Variants in STMP1 observed in about 807,000 individuals in gnomAD.
The protein encoded by STMP1 is mitolamban.
In STMP1, 7 loss-of-function variants were observed where a neutral mutation model predicts 7.0. That is an observed-to-expected ratio of 1.01 (90% CI 0.57 to 1.89). The LOEUF is 1.89. STMP1 is among the 40% of genes most tolerant of loss of function. The pLI is 0.00. For missense variants in STMP1, 45 were observed against 53.0 expected (o/e 0.85, Z 0.47); for synonymous variants, 19 against 18.4 (o/e 1.03, Z -0.08).
intron 1 of STMP1, among the ~76,000 whole-genome samples, chr7:135,672,120 C>T (rs1795362022): frequency 6.6e-6 from 1 of 152,158 alleles, no homozygotes; most frequent in African/African-American, 2.4e-5. Context: ...GCTGGGATTA[C>T]AGATGTGAGC....
At chr7:135,666,381 C>T (rs1372708210) in intron 1 of STMP1, among the ~76,000 whole-genome samples, 1 of 152,168 alleles carries the variant, frequency 6.6e-6, no homozygotes, top group East Asian at 1.9e-4. Flanking sequence ...CAGCGTCTCA[C>T]TCTGTCACCC....
chr7:135,664,955 C>T (rs1308151150), intron 1 of STMP1, among the ~76,000 whole-genome samples: 2 of 152,136 alleles, frequency 1.3e-5, no homozygotes, highest in Non-Finnish European at 2.9e-5. Flanking sequence ...GCTGTGGTAG[C>T]GTGGGTGGGC....
At chr7:135,664,746 T>G (rs1795275073) in intron 1 of STMP1, among the ~76,000 whole-genome samples, 1 of 152,200 alleles carries the variant, frequency 6.6e-6, no homozygotes, top group Non-Finnish European at 1.5e-5. Context: ...GCTTTTTTTT[T>G]TAAATAAGTG....
intron 1 of STMP1, among the ~76,000 whole-genome samples, chr7:135,671,187 C>T (rs1393073090): frequency 1.3e-5 from 2 of 152,234 alleles, no homozygotes; most frequent in East Asian, 1.9e-4. Flanking sequence ...ATGATCAGAA[C>T]GGTCTATGAT....
At position 135,675,883 on chromosome 7, in the gene STMP1, G is replaced by A. The variant is rs1284852075; in HGVS notation, c.*1718G>A. The A allele has an allele frequency of 1.3e-5, 2 of 150,824 alleles. No homozygotes were observed. Among genetic ancestry groups the A allele is most frequent in the African/African-American group, 2.4e-5 (1 of 41,020 alleles). 9.3% of individuals were successfully genotyped at this position (150,824 alleles called of 1,614,324 possible). On this transcript the variant is annotated 3_prime_UTR_variant, in exon 3 of 3. Coordinates refer to ENST00000507606, the MANE Select transcript of STMP1 (RefSeq NM_001130929.2). ...GTGTGACAGATTAGGATTAAATTAT[G>A]GTTTGACTTTTCCTAGCAGCGTGAT...
chr7:135,662,794 C>G (rs1795248604), intron 1 of STMP1, among the ~76,000 whole-genome samples, 200 bp downstream of exon 1: 1 of 152,220 alleles, frequency 6.6e-6, no homozygotes, highest in Admixed American at 6.5e-5. Flanking sequence ...CAATATTTTT[C>G]TGCAGCCATC....
chr7:135,664,783 C>T (rs775132808), intron 1 of STMP1, among the ~76,000 whole-genome samples: 8 of 151,896 alleles, frequency 5.3e-5, no homozygotes, highest in Non-Finnish European at 1.2e-4. Flanking sequence ...ACATTGATTC[C>T]ACCTCTGTCA....
Position 135,675,068 on chromosome 7 carries a change from A to G in STMP1, c.*903A>G, listed in dbSNP as rs1795396575. On this transcript the variant is annotated 3_prime_UTR_variant, in exon 3 of 3. Transcript: ENST00000507606. Reference sequence around the variant, plus strand: ...AAGAAGAATTTCTGCTTCTCTTTGTAGTTGATGCTTTGTTTTTTCCTGCAG... The same window carrying G: ...AAGAAGAATTTCTGCTTCTCTTTGTGGTTGATGCTTTGTTTTTTCCTGCAG... The G allele has an allele frequency of 6.6e-6, 1 of 152,172 alleles. No homozygotes were observed. Among genetic ancestry groups the G allele is most frequent in the Admixed American group, 6.6e-5 (1 of 15,264 alleles). The allele number at this position is 152,172 out of a possible 1,614,324, so 9.4% of individuals were successfully genotyped here. A position where few individuals can be genotyped will look rare whatever the true frequency, so the allele number is the denominator to read the frequency against.
At chr7:135,662,682 C>G (rs888383100) in intron 1 of STMP1, 88 bp downstream of exon 1, 1 of 1,465,724 alleles carries the variant, frequency 6.8e-7, no homozygotes, top group Non-Finnish European at 9.2e-7. Flanking sequence ...ACCCCGCCGA[C>G]CCGGCCTGGG....
intron 1 of STMP1, among the ~76,000 whole-genome samples, chr7:135,665,379 T>C (rs895282517): frequency 3.3e-5 from 5 of 152,234 alleles, no homozygotes; most frequent in African/African-American, 9.6e-5. Flanking sequence ...ATATTCTCCC[T>C]TTGTCCCTAT....
rs567244401 is a variant in STMP1, at chr7:135,675,011, A to G, written c.*846A>G. 2.0e-5 allele frequency: 3 copies of G among 152,356 alleles called. No individual in the cohort carries two copies. The highest frequency in any genetic ancestry group is 1.9e-4 in the East Asian group (1 of 5,194). 9.4% of individuals were successfully genotyped at this position (152,356 alleles called of 1,614,324 possible). The stretch of plus-strand genomic sequence containing the variant: ...TGTAGTGATTGTCTTAAGAAAAAAT[A>G]TAGCCCAAATGTATAGTAAAATCAG... On this transcript the variant is annotated 3_prime_UTR_variant, in exon 3 of 3. Transcript: ENST00000507606.
In STMP1 at chr7:135,675,304, C is replaced by T. The variant is rs1795400073; in HGVS notation, c.*1139C>T. 6.6e-6 allele frequency: 1 copy of T among 152,134 alleles called. No individual in the cohort carries two copies. The highest frequency in any genetic ancestry group is 2.1e-4 in the South Asian group (1 of 4,832). 9.4% of individuals were successfully genotyped at this position (152,134 alleles called of 1,614,324 possible). The stretch of plus-strand genomic sequence containing the variant: ...TTATACTTTTGAGAAAGAGTCTGTG[C>T]CTAAACAAACACGTGTAACACAAAT... On this transcript the variant is annotated 3_prime_UTR_variant, in exon 3 of 3. Transcript: ENST00000507606.
rs1491571191 is a variant in STMP1 at position 135,675,923 on chromosome 7, T to TTA, written c.*1759_*1760insAT. On this transcript the variant is annotated 3_prime_UTR_variant, in exon 3 of 3. Coordinates refer to ENST00000507606, the MANE Select transcript of STMP1 (RefSeq NM_001130929.2). ...AGCAGCGTGATCATGGGCAAGTGGCTTTTTTTTTTTTTTTTTTTTGAGACA... is the reference window on the plus strand; with the variant it reads ...AGCAGCGTGATCATGGGCAAGTGGCTTATTTTTTTTTTTTTTTTTTTGAGACA... The TTA allele has an allele frequency of 7.6e-3, 454 of 59,520 alleles. 5 individuals are homozygous for TTA. The highest frequency in any genetic ancestry group is 0.019 in the African/African-American group (403 of 21,466). The allele number at this position is 59,520 out of a possible 1,614,324, so 3.7% of individuals were successfully genotyped here. A position where few individuals can be genotyped will look rare whatever the true frequency, so the allele number is the denominator to read the frequency against.
intron 1 of STMP1, among the ~76,000 whole-genome samples, chr7:135,663,804 C>T (rs1456870262): frequency 1.3e-5 from 2 of 152,170 alleles, no homozygotes; most frequent in Admixed American, 6.5e-5. Flanking sequence ...CGCCAGCAGG[C>T]CCAGTTAATT....
At position 135,673,804 on chromosome 7, in the gene STMP1, T is replaced by C. The variant is rs1368107201; in HGVS notation, c.70-287T>C. On this transcript the variant is annotated intron_variant, in intron 2 of 2. Coordinates refer to ENST00000507606, the MANE Select transcript of STMP1 (RefSeq NM_001130929.2). ...AAATACAAAAATTAGCCAGGGGTGG[T>C]GGCATGTCCGTGGTCCCAACTACTT... Among the ~76,000 whole-genome samples, 99 of 152,186 alleles carry C rather than the reference T, an allele frequency of 6.5e-4. 1 individual carries two copies. Among genetic ancestry groups the C allele is most frequent in the Non-Finnish European group, 1.3e-4 (9 of 68,008 alleles).
At chr7:135,662,660 T>G (rs1795246297) in intron 1 of STMP1, 66 bp downstream of exon 1, 6 of 1,516,862 alleles carry the variant, frequency 4.0e-6, no homozygotes, top group Middle Eastern at 1.7e-4. Context: ...ATTTCCCCCT[T>G]GAGGATTGCC....
At chr7:135,663,347 TA>T (rs1348337083) in intron 1 of STMP1, among the ~76,000 whole-genome samples, 2 of 152,190 alleles carry the variant, frequency 1.3e-5, no homozygotes, top group African/African-American at 2.4e-5. Context: ...TATTTTTTTT[TA>T]TTTTTTATTT....
chr7:135,673,496 T>C (rs1186037672), intron 2 of STMP1, among the ~76,000 whole-genome samples: 1 of 152,200 alleles, frequency 6.6e-6, no homozygotes, highest in Non-Finnish European at 1.5e-5. Flanking sequence ...AAGGCTACAT[T>C]ATGTCACATT....
intron 1 of STMP1, among the ~76,000 whole-genome samples, chr7:135,667,023 C>A (rs917278632): frequency 6.6e-6 from 1 of 152,202 alleles, no homozygotes; most frequent in African/African-American, 2.4e-5. Flanking sequence ...ACATCCTCGC[C>A]AACATTTCGT....
Sources: gnomAD v4.1 joint callset for allele counts (sites outside exome capture counted in the v4.1 genomes callset) on GRCh38, gnomAD v4.1.1 for gene constraint, MANE v1.5 for transcripts, NCBI Gene and HGNC (gene_info 2026-07-23, HGNC 2026-07-21) for gene names.